Variants in CCDC148 observed in about 807,000 individuals in gnomAD.
CCDC148 encodes the protein coiled-coil domain containing 148.
A neutral mutation model predicts 85.7 loss-of-function variants in CCDC148; 89 were observed. That is an observed-to-expected ratio of 1.04 (90% CI 0.87 to 1.24). The LOEUF (loss-of-function observed/expected upper bound fraction) is 1.24. CCDC148 is among the 50% of genes most tolerant of loss of function. The probability of loss-of-function intolerance (pLI) is 0.00; values close to 1 mark genes in which losing one functional copy is unlikely to be tolerated. For missense variants in CCDC148, 692 were observed against 671.7 expected (o/e 1.03, Z -0.33); for synonymous variants, 230 against 213.9 (o/e 1.08, Z -0.66).
chr2:158,387,896 C>T (rs1685156479), intron 1 of CCDC148, among the ~76,000 whole-genome samples: 1 of 152,176 alleles, frequency 6.6e-6, no homozygotes, highest in East Asian at 1.9e-4. Flanking sequence ...GTCAGCCTTC[C>T]TAAACAAATG....
At chr2:158,418,098 GTT>G (rs544670743) in intron 1 of CCDC148, among the ~76,000 whole-genome samples, 1 of 145,236 alleles carries the variant, frequency 6.9e-6, no homozygotes. Flanking sequence ...TCCCTTGAGT[GTT>G]TTTTTTTTTA....
At chr2:158,276,477 T>C (rs1295726017) in intron 9 of CCDC148, among the ~76,000 whole-genome samples, 1 of 150,750 alleles carries the variant, frequency 6.6e-6, no homozygotes, top group Non-Finnish European at 1.5e-5. Context: ...AACTGCCTCG[T>C]TATGGGAGGC....
intron 10 of CCDC148, among the ~76,000 whole-genome samples, chr2:158,242,908 C>G (rs1254647536): frequency 6.6e-6 from 1 of 152,020 alleles, no homozygotes; most frequent in Admixed American, 6.6e-5. Context: ...CTATACTCTT[C>G]TTAGGGGGAA....
At position 158,179,885 on chromosome 2, in the gene CCDC148, T is replaced by C. The variant is rs73966274; in HGVS notation, c.1371-889A>G. ...AACATGACTTTCCCTTAGCATTCTA[T>C]TTCCAACCCCCTTAAAATCATCGGC... On this transcript the variant is annotated intron_variant, in intron 11 of 13. Transcript: ENST00000283233. 2.1e-3 allele frequency among the ~76,000 whole-genome samples: 321 copies of C among 152,304 alleles called. 1 individual carries two copies. Among genetic ancestry groups the C allele is most frequent in the African/African-American group, 6.9e-3 (285 of 41,574 alleles).
At chr2:158,443,341 T>C (rs1428769643) in intron 1 of CCDC148, among the ~76,000 whole-genome samples, 1 of 151,200 alleles carries the variant, frequency 6.6e-6, no homozygotes, top group Non-Finnish European at 1.5e-5. Flanking sequence ...CAAATAACAA[T>C]AATGATAACA....
At chr2:158,398,737 A>T (rs1685640796) in intron 1 of CCDC148, among the ~76,000 whole-genome samples, 1 of 152,208 alleles carries the variant, frequency 6.6e-6, no homozygotes, top group Non-Finnish European at 1.5e-5. Context: ...GAGCAAACAC[A>T]TTCAACAGCT....
chr2:158,311,287 C>G (rs570344299), intron 8 of CCDC148, among the ~76,000 whole-genome samples: 1 of 152,192 alleles, frequency 6.6e-6, no homozygotes, highest in Non-Finnish European at 1.5e-5. Context: ...CCGGCCAACA[C>G]GGCGAAACCC....
intron 7 of CCDC148, among the ~76,000 whole-genome samples, chr2:158,319,864 C>T (rs1295997444): frequency 6.6e-6 from 1 of 152,250 alleles, no homozygotes; most frequent in Admixed American, 6.5e-5. Flanking sequence ...TGATGTTCAA[C>T]ACCAAGGGCC....
At chr2:158,338,389 T>C (rs958665970) in intron 7 of CCDC148, among the ~76,000 whole-genome samples, 1 of 152,198 alleles carries the variant, frequency 6.6e-6, no homozygotes, top group African/African-American at 2.4e-5. Context: ...TTTTCCATTG[T>C]ATCAATTACT....
In CCDC148 at chr2:158,338,792, T is replaced by C. The variant is rs372038223; in HGVS notation, c.698A>G (p.Tyr233Cys). 1.1e-4 allele frequency: 172 copies of C among 1,612,050 alleles called. No homozygotes were observed. The highest frequency in any genetic ancestry group is 1.5e-4 in the African/African-American group (11 of 74,856). Residue 233 changes from tyrosine (Y) to cysteine (C), a missense_variant, in exon 7 of 14, where the codon TAT becomes TGT. Transcript: ENST00000283233. ...DLKSSILSEF[Y>C]KFTQKYQKKL... ...CTTCTGATATTTCTGTGTAAACTTATAGAACTCACTGAGAATTGAAGATTT... is the reference window on the plus strand; with the variant it reads ...CTTCTGATATTTCTGTGTAAACTTACAGAACTCACTGAGAATTGAAGATTT...
intron 1 of CCDC148, among the ~76,000 whole-genome samples, chr2:158,387,991 T>C (rs2105294289): frequency 6.6e-6 from 1 of 152,310 alleles, no homozygotes; most frequent in East Asian, 1.9e-4. Context: ...ACCAGCACTG[T>C]TCTGCTCCTT....
chr2:158,255,842 T>C (rs2105146795), intron 9 of CCDC148, among the ~76,000 whole-genome samples: 1 of 151,886 alleles, frequency 6.6e-6, no homozygotes, highest in South Asian at 2.1e-4. Flanking sequence ...AGGGCATTTT[T>C]CCAGGTTTTA....
At chr2:158,411,890 G>C (rs1201435517) in intron 1 of CCDC148, among the ~76,000 whole-genome samples, 1 of 152,140 alleles carries the variant, frequency 6.6e-6, no homozygotes, top group Non-Finnish European at 1.5e-5. Context: ...GGGATGTGCA[G>C]CAGTGCTGGG....
At chr2:158,233,032 A>G (rs1687927963) in intron 10 of CCDC148, among the ~76,000 whole-genome samples, 1 of 152,218 alleles carries the variant, frequency 6.6e-6, no homozygotes, top group South Asian at 2.1e-4. Flanking sequence ...TGTTTCCAAC[A>G]TAAAGAAATG....
chr2:158,404,804 G>C (rs1309421431), intron 1 of CCDC148, among the ~76,000 whole-genome samples: 3 of 152,156 alleles, frequency 2.0e-5, no homozygotes, highest in Non-Finnish European at 4.4e-5. Context: ...CTCCCTCTCT[G>C]ATGTCCTTAA....
chr2:158,337,909 T>G (rs1191298898), intron 7 of CCDC148, among the ~76,000 whole-genome samples: 1 of 152,226 alleles, frequency 6.6e-6, no homozygotes, highest in Non-Finnish European at 1.5e-5. Context: ...TTTGTCATAT[T>G]CGTCTTCTTC....
At chr2:158,335,826 C>G (rs1682345798) in intron 7 of CCDC148, among the ~76,000 whole-genome samples, 1 of 152,118 alleles carries the variant, frequency 6.6e-6, no homozygotes, top group Non-Finnish European at 1.5e-5. Flanking sequence ...TAGCTAGTCA[C>G]TGTGACCTGG....
At chr2:158,283,828 T>C (rs1336116893) in intron 9 of CCDC148, among the ~76,000 whole-genome samples, 1 of 152,000 alleles carries the variant, frequency 6.6e-6, no homozygotes, top group East Asian at 1.9e-4. Flanking sequence ...CATGCACATG[T>C]ATGTTTATTG....
At chr2:158,401,877 C>CCAGAG (rs1685800946) in intron 1 of CCDC148, among the ~76,000 whole-genome samples, 1 of 151,848 alleles carries the variant, frequency 6.6e-6, no homozygotes, top group South Asian at 2.1e-4. Flanking sequence ...CAAACTGTGG[C>CCAGAG]CAGAGCAGAG....
Sources: allele counts gnomAD v4.1 joint callset (sites outside exome capture counted in the v4.1 genomes callset), GRCh38; gene constraint gnomAD v4.1.1; transcripts MANE v1.5; gene names NCBI Gene and HGNC (gene_info 2026-07-23, HGNC 2026-07-21).